PTPRD: variants seen among roughly 807,000 people sequenced by gnomAD.
PTPRD encodes the protein protein tyrosine phosphatase receptor type D.
Under a neutral mutation model 214.5 loss-of-function variants are expected in PTPRD, and 34 were observed. That is an observed-to-expected ratio of 0.16 (90% CI 0.12 to 0.21). The LOEUF is 0.21. PTPRD is among the 10% of genes least tolerant of loss of function. The pLI, the probability that PTPRD is intolerant of heterozygous loss-of-function variation, is 1.00. For synonymous variants in PTPRD, 1,128 were observed against 845.7 expected (o/e 1.33, Z -5.79); for missense variants, 2,545 against 2,398.7 (o/e 1.06, Z -1.27).
chr9:9,972,774 G>C (rs539527089), intron 4 of PTPRD, among the ~76,000 whole-genome samples: 1 of 152,036 alleles, frequency 6.6e-6, no homozygotes, highest in Non-Finnish European at 1.5e-5. Context: ...TGTGGCTTAC[G>C]GGCATCATTA....
chr9:9,948,258 T>A (rs1018859876), intron 4 of PTPRD, among the ~76,000 whole-genome samples: 1 of 152,098 alleles, frequency 6.6e-6, no homozygotes, highest in African/African-American at 2.4e-5. Context: ...TGCACTGCCA[T>A]TCTCTATCAA....
chr9:9,458,815 C>T (rs11553304), intron 8 of PTPRD, among the ~76,000 whole-genome samples: 25,791 of 151,946 alleles, frequency 0.17, 2,678 homozygotes, highest in Admixed American at 0.32. Context: ...TGGTGTATGC[C>T]TGCAGTCCCA....
chr9:9,403,625 C>G (rs545673336), intron 8 of PTPRD, among the ~76,000 whole-genome samples: 1 of 152,000 alleles, frequency 6.6e-6, no homozygotes, highest in South Asian at 2.1e-4. Context: ...TAATATCAAA[C>G]AAATCAGTAA....
intron 8 of PTPRD, among the ~76,000 whole-genome samples, chr9:9,537,631 A>G (rs774399296): frequency 6.6e-6 from 1 of 152,094 alleles, no homozygotes; most frequent in East Asian, 1.9e-4. Flanking sequence ...TAGAATTCCC[A>G]GTGAATTTAC....
intron 7 of PTPRD, among the ~76,000 whole-genome samples, chr9:9,665,577 C>G (rs111389604): frequency 0.019 from 2,875 of 151,638 alleles, 93 homozygotes; most frequent in African/African-American, 0.066. Flanking sequence ...CTCAGAGTCC[C>G]CCAGTTACAG....
At chr9:9,833,883 T>A (rs1286707635) in intron 5 of PTPRD, among the ~76,000 whole-genome samples, 3 of 152,092 alleles carry the variant, frequency 2.0e-5, no homozygotes, top group African/African-American at 7.2e-5. Flanking sequence ...TATCCTGTTC[T>A]TTTTTCAGGA....
intron 9 of PTPRD, among the ~76,000 whole-genome samples, chr9:9,374,687 C>A (rs990749860): frequency 2.0e-5 from 3 of 152,148 alleles, no homozygotes; most frequent in African/African-American, 7.2e-5. Flanking sequence ...TCTGACTGTT[C>A]AGAGTATTGC....
chr9:9,968,977 G>C (rs1176337505), intron 4 of PTPRD, among the ~76,000 whole-genome samples: 2 of 152,262 alleles, frequency 1.3e-5, no homozygotes, highest in East Asian at 3.9e-4. Flanking sequence ...CATGAGATGT[G>C]ATCTTGGCCT....
chr9:9,641,031 A>C (rs1476997663), intron 7 of PTPRD, among the ~76,000 whole-genome samples: 2 of 103,684 alleles, frequency 1.9e-5, no homozygotes, highest in Non-Finnish European at 5.1e-5. Context: ...GATCAGCAGA[A>C]ATTACTAATG....
At chr9:8,466,886 A>G (rs537126533) in intron 31 of PTPRD, among the ~76,000 whole-genome samples, 1 of 151,976 alleles carries the variant, frequency 6.6e-6, no homozygotes, top group South Asian at 2.1e-4. Flanking sequence ...TCTACTTAGT[A>G]GAATGAGAGC....
At chr9:9,736,562 A>T (rs1388580687) in intron 6 of PTPRD, among the ~76,000 whole-genome samples, 1 of 152,072 alleles carries the variant, frequency 6.6e-6, no homozygotes, top group African/African-American at 2.4e-5. Flanking sequence ...CAAATAATTT[A>T]AATAGTGTTA....
intron 10 of PTPRD, among the ~76,000 whole-genome samples, chr9:9,090,299 G>A (rs2099773732): frequency 2.0e-5 from 3 of 152,068 alleles, no homozygotes; most frequent in African/African-American, 7.2e-5. Context: ...ATATAAGTGA[G>A]AACACGCAAT....
chr9:9,632,013 A>T (rs552785919), intron 7 of PTPRD, among the ~76,000 whole-genome samples: 2 of 152,224 alleles, frequency 1.3e-5, no homozygotes, highest in African/African-American at 2.4e-5. Context: ...TTCTCAAATC[A>T]TGGCAAATCA....
At chr9:10,356,271 T>C (rs927798278) in intron 2 of PTPRD, among the ~76,000 whole-genome samples, 7 of 152,162 alleles carry the variant, frequency 4.6e-5, no homozygotes, top group Non-Finnish European at 1.0e-4. Flanking sequence ...AGATTATTTA[T>C]CTATCAGGAA....
intron 11 of PTPRD, among the ~76,000 whole-genome samples, chr9:8,762,900 G>C (rs781040806): frequency 1.3e-5 from 2 of 152,168 alleles, no homozygotes; most frequent in Admixed American, 6.6e-5. Flanking sequence ...AGGGTAACTG[G>C]AACATGCATC....
At chr9:9,361,503 A>T (rs2056137000) in intron 9 of PTPRD, among the ~76,000 whole-genome samples, 1 of 151,092 alleles carries the variant, frequency 6.6e-6, no homozygotes, top group Admixed American at 6.6e-5. Flanking sequence ...CTTTACTGCC[A>T]GATTCAATTC....
chr9:9,755,568 G>T (rs1411065442), intron 6 of PTPRD, among the ~76,000 whole-genome samples: 2 of 152,010 alleles, frequency 1.3e-5, no homozygotes, highest in Non-Finnish European at 2.9e-5. Flanking sequence ...CAACTATGAA[G>T]AAAAATTGGG....
At chr9:9,484,941 A>C (rs2095566653) in intron 8 of PTPRD, among the ~76,000 whole-genome samples, 1 of 152,222 alleles carries the variant, frequency 6.6e-6, no homozygotes, top group Non-Finnish European at 1.5e-5. Flanking sequence ...AATTGAAAGC[A>C]AAAACTATCA....
intron 3 of PTPRD, among the ~76,000 whole-genome samples, chr9:10,147,114 G>C (rs549100966): frequency 6.6e-6 from 1 of 152,208 alleles, no homozygotes; most frequent in African/African-American, 2.4e-5. Flanking sequence ...GACACTATAA[G>C]GGATCTAGAG....
Sources: allele counts gnomAD v4.1 joint callset (sites outside exome capture counted in the v4.1 genomes callset), GRCh38; gene constraint gnomAD v4.1.1; transcripts MANE v1.5; gene names NCBI Gene and HGNC (gene_info 2026-07-23, HGNC 2026-07-21).